MAD1L1: variants seen among roughly 807,000 people sequenced by gnomAD.
MAD1L1 encodes mitotic arrest deficient 1 like 1, also known as mitotic spindle assembly checkpoint protein MAD1.
A neutral mutation model predicts 96.9 loss-of-function variants in MAD1L1; 95 were observed. The observed-to-expected ratio is 0.98, with a 90% CI of 0.83 to 1.16. The LOEUF is 1.16. Ranked by LOEUF, MAD1L1 falls within the 50% of genes most tolerant of loss-of-function variation. The pLI is 0.00. For missense variants in MAD1L1, 1,007 were observed against 954.4 expected (o/e 1.06, Z -0.73); for synonymous variants, 473 against 396.6 (o/e 1.19, Z -2.29).
At chr7:1,850,693 GCACAGGGCTAGC>G (rs1179405221) in intron 18 of MAD1L1, among the ~76,000 whole-genome samples, 1 of 152,190 alleles carries the variant, frequency 6.6e-6, no homozygotes, top group Non-Finnish European at 1.5e-5. Context: ...GCACCCCAGG[GCACAGGGCTAGC>G]CCTGTGATCA....
intron 10 of MAD1L1, among the ~76,000 whole-genome samples, chr7:2,197,810 C>A (rs559552970): frequency 1.3e-5 from 2 of 152,330 alleles, no homozygotes; most frequent in East Asian, 3.9e-4. Context: ...CTCCTTCTGG[C>A]TACATCACTG....
At position 2,088,122 on chromosome 7, in the gene MAD1L1, C is replaced by T. The variant is rs1414830676; in HGVS notation, c.1074-18784G>A. On this transcript the variant is annotated intron_variant, in intron 11 of 18. Transcript: ENST00000265854. This position sits in a 1 kb window ranked among gnomAD's most constrained non-coding sequence, Gnocchi z 4.4. ...TTTAAAAGTCTACACACAAAGCACC[C>T]GCACAGGCTGAGTGGAAATATGGGG... Among the ~76,000 whole-genome samples the T allele has an allele frequency of 2.6e-5, 4 of 152,198 alleles. No homozygotes were observed. The highest frequency in any genetic ancestry group is 4.8e-5 in the African/African-American group (2 of 41,430).
chr7:1,873,578 G>A (rs920251241), intron 18 of MAD1L1, among the ~76,000 whole-genome samples: 1 of 152,056 alleles, frequency 6.6e-6, no homozygotes, highest in Non-Finnish European at 1.5e-5. Flanking sequence ...GGCTCTTCTG[G>A]GGCTGGGCAG....
intron 12 of MAD1L1, among the ~76,000 whole-genome samples, chr7:2,046,984 G>A (rs1474504693): frequency 6.6e-6 from 1 of 152,222 alleles, no homozygotes; most frequent in Non-Finnish European, 1.5e-5. Flanking sequence ...GAAACTGGAG[G>A]ATCAGTAATG....
At chr7:1,853,318 C>T (rs1345335374) in intron 18 of MAD1L1, among the ~76,000 whole-genome samples, 1 of 152,188 alleles carries the variant, frequency 6.6e-6, no homozygotes, top group African/African-American at 2.4e-5. Flanking sequence ...TGACACCTGC[C>T]TCCCCTGTGG....
chr7:1,845,870 C>T (rs1345248984), intron 18 of MAD1L1: 1 of 152,594 alleles, frequency 6.6e-6, no homozygotes, highest in Non-Finnish European at 1.5e-5. Flanking sequence ...GGCAGAGATC[C>T]CTCCAAGCCC....
intron 18 of MAD1L1, among the ~76,000 whole-genome samples, chr7:1,877,846 T>C (rs1785463276): frequency 6.6e-6 from 1 of 152,164 alleles, no homozygotes; most frequent in African/African-American, 2.4e-5. Context: ...TATAACAATC[T>C]TAACTGCGTA....
chr7:1,902,782 G>A (rs1457179172), intron 17 of MAD1L1, among the ~76,000 whole-genome samples: 12 of 151,956 alleles, frequency 7.9e-5, no homozygotes, highest in Admixed American at 2.0e-4. Flanking sequence ...TACGGAAGAC[G>A]ATCTTGCGGA....
chr7:1,963,952 T>C (rs907106506), intron 15 of MAD1L1, among the ~76,000 whole-genome samples: 2 of 152,170 alleles, frequency 1.3e-5, no homozygotes, highest in East Asian at 1.9e-4. Flanking sequence ...TGGAGAGGTT[T>C]TGGGAGCCCC....
At chr7:1,952,390 T>C (rs1391872366) in intron 16 of MAD1L1, among the ~76,000 whole-genome samples, 1 of 152,192 alleles carries the variant, frequency 6.6e-6, no homozygotes, top group African/African-American at 2.4e-5. Context: ...GAGCCCTTGG[T>C]CCCGCCAGGA....
At chr7:1,998,774 C>T (rs935931308) in intron 14 of MAD1L1, among the ~76,000 whole-genome samples, 2 of 150,962 alleles carry the variant, frequency 1.3e-5, no homozygotes, top group African/African-American at 4.9e-5. Context: ...AGAAGAGGAC[C>T]CTGGCATCCT....
At chr7:2,073,313 A>C (rs1416371019) in intron 11 of MAD1L1, among the ~76,000 whole-genome samples, 2 of 152,252 alleles carry the variant, frequency 1.3e-5, no homozygotes, top group African/African-American at 2.4e-5. Flanking sequence ...GGAAGTGTGG[A>C]AACAGCTAAC....
intron 12 of MAD1L1, among the ~76,000 whole-genome samples, chr7:2,051,453 G>A (rs1291862679): frequency 6.6e-6 from 1 of 152,188 alleles, no homozygotes; most frequent in East Asian, 1.9e-4. Flanking sequence ...TGGTGGCGAG[G>A]GGGGCGCTGA....
At chr7:2,004,452 G>A (rs1257025597) in intron 13 of MAD1L1, among the ~76,000 whole-genome samples, 2 of 152,234 alleles carry the variant, frequency 1.3e-5, no homozygotes, top group Non-Finnish European at 2.9e-5. Flanking sequence ...CAGTTCACAT[G>A]GCAACCTTGC....
intron 11 of MAD1L1, among the ~76,000 whole-genome samples, chr7:2,099,149 G>C (rs1315460563): frequency 1.3e-5 from 2 of 152,192 alleles, no homozygotes; most frequent in African/African-American, 4.8e-5. Context: ...AGCCTCCCAT[G>C]GTCCAGGAAG....
At chr7:1,905,720 C>T (rs901280935) in intron 17 of MAD1L1, among the ~76,000 whole-genome samples, 7 of 152,176 alleles carry the variant, frequency 4.6e-5, no homozygotes, top group Admixed American at 6.5e-5. Flanking sequence ...TGAGTGAGGC[C>T]GGCCTGACCC....
chr7:2,220,375 T>C (rs966071083), intron 5 of MAD1L1, among the ~76,000 whole-genome samples: 1 of 152,212 alleles, frequency 6.6e-6, no homozygotes, highest in Non-Finnish European at 1.5e-5. Flanking sequence ...GGCGACCTTC[T>C]GAGGACCCTA....
In MAD1L1 at chr7:1,980,475, T is replaced by C; in HGVS notation, c.1483A>G (p.Arg495Gly). ...SSAEQSFLFS[R>G]EEADTLRLKV... ...TACCTGAGCGTGTCCGCCTCCTCCC[T>C]GGAGAACAGGAAGCTCTGTTCGGCA... Residue 495 changes from arginine to glycine, a missense_variant, in exon 15 of 19, where the codon AGG becomes GGG. Arg to Gly is a moderately radical substitution (Grantham distance 125). Coordinates refer to ENST00000265854, the MANE Select transcript of MAD1L1 (RefSeq NM_001013836.2). 15 of 1,593,396 alleles carry C rather than the reference T, an allele frequency of 9.4e-6. No homozygotes were observed. Among genetic ancestry groups the C allele is most frequent in the Middle Eastern group, 1.7e-4 (1 of 6,050 alleles).
At chr7:2,186,693 C>G (rs1207675826) in intron 10 of MAD1L1, among the ~76,000 whole-genome samples, 1 of 152,196 alleles carries the variant, frequency 6.6e-6, no homozygotes, top group Non-Finnish European at 1.5e-5. Flanking sequence ...TGAGCCTCTT[C>G]TCGCCTTGAG....
Sources: gnomAD v4.1 joint callset for allele counts (sites outside exome capture counted in the v4.1 genomes callset) on GRCh38, gnomAD v4.1.1 for gene constraint, Gnocchi (gnomAD v3.1) non-coding constraint, MANE v1.5 for transcripts, NCBI Gene and HGNC (gene_info 2026-07-23, HGNC 2026-07-21) for gene names.